Variants in NSMCE2 observed in about 807,000 individuals in gnomAD.
NSMCE2 encodes NSE2 SUMO ligase component of SMC5/6 complex.
In NSMCE2, 24 loss-of-function variants were observed where a neutral mutation model predicts 23.8. The observed-to-expected ratio is 1.01, with a 90% CI of 0.73 to 1.42. The LOEUF is 1.42. Ranked by LOEUF, NSMCE2 falls within the 40% of genes most tolerant of loss-of-function variation. NSMCE2 has a pLI of 0.00. For missense variants in NSMCE2, 284 were observed against 296.5 expected (o/e 0.96, Z 0.31); for synonymous variants, 92 against 94.1 (o/e 0.98, Z 0.13).
In NSMCE2 at chr8:125,180,036, G is replaced by A. The variant is rs1350445882; in HGVS notation, c.265-2067G>A. Reference sequence around the variant, plus strand: ...GAGTCCATTTTATTTTATAAATCCAGAAAGAGCGCCTATAATCCTTTTCTA... The same window carrying A: ...GAGTCCATTTTATTTTATAAATCCAAAAAGAGCGCCTATAATCCTTTTCTA... On this transcript the variant is annotated intron_variant, in intron 4 of 7. Coordinates refer to ENST00000287437, the MANE Select transcript of NSMCE2 (RefSeq NM_173685.4). 8.5e-5 allele frequency among the ~76,000 whole-genome samples: 13 copies of A among 152,278 alleles called. No individual in the cohort carries two copies. In the East Asian group the frequency reaches 2.5e-3, roughly 29 times the overall value.
chr8:125,150,458 G>T, intron 3 of NSMCE2, among the ~76,000 whole-genome samples: 1 of 86,458 alleles, frequency 1.2e-5, no homozygotes, highest in Admixed American at 1.5e-4. Flanking sequence ...TTTTGAGATG[G>T]AGTCTCACTC....
At chr8:125,200,116 A>T (rs189883466) in intron 5 of NSMCE2, among the ~76,000 whole-genome samples, 275 of 152,004 alleles carry the variant, frequency 1.8e-3, no homozygotes, top group African/African-American at 6.0e-3. Context: ...TTGGGACTTG[A>T]CTCTTTATCC....
rs147082286 is a variant in NSMCE2 at position 125,218,524 on chromosome 8, G to A, written c.418+36268G>A. ...CATCTTGGGTTCAAGCAATTCTCAT[G>A]CCTCAGCCTCCCGAGTAGCTGTGAT... is the stretch of plus-strand genomic sequence containing the variant. On this transcript the variant is annotated intron_variant, in intron 5 of 7. Coordinates refer to ENST00000287437, the MANE Select transcript of NSMCE2 (RefSeq NM_173685.4). Among the ~76,000 whole-genome samples the A allele has an allele frequency of 5.1e-3, 766 of 151,116 alleles. 8 individuals carry two copies. The highest frequency in any genetic ancestry group is 0.018 in the African/African-American group (737 of 41,124).
At chr8:125,282,046 T>C (rs1416948768) in intron 5 of NSMCE2, among the ~76,000 whole-genome samples, 1 of 152,136 alleles carries the variant, frequency 6.6e-6, no homozygotes, top group Non-Finnish European at 1.5e-5. Context: ...GCAAATACCC[T>C]GTGTAGTGTT....
At chr8:125,330,543 A>G (rs1177852723) in intron 5 of NSMCE2, among the ~76,000 whole-genome samples, 1 of 151,824 alleles carries the variant, frequency 6.6e-6, no homozygotes, top group East Asian at 1.9e-4. Flanking sequence ...CCAATCCCCA[A>G]CCTCAGGGAG....
intron 5 of NSMCE2, among the ~76,000 whole-genome samples, chr8:125,334,895 C>T (rs1283948324): frequency 7.0e-6 from 1 of 142,322 alleles, no homozygotes; most frequent in Non-Finnish European, 1.5e-5. Context: ...GCTGGGACTA[C>T]AGGATGTACA....
Position 125,182,130 on chromosome 8 carries a change from C to A in NSMCE2, c.292C>A (p.Pro98Thr), listed in dbSNP as rs1383117091. The A allele has an allele frequency of 1.3e-6, 2 of 1,597,870 alleles. No homozygotes were observed. ...GAAAGAAGAACGTCCAGAAAAAATA[C>A]CAGATTTAAAATTATTGGTAGAGAA... Reference protein sequence around the residue: ...HVKEERPEKIPDLKLLVEKKF... With the variant: ...HVKEERPEKITDLKLLVEKKF... The change falls in exon 5 of 8, where the codon CCA becomes ACA. Residue 98 changes from proline (P) to threonine (T), a missense_variant. Transcript: ENST00000287437.
intron 5 of NSMCE2, among the ~76,000 whole-genome samples, chr8:125,247,724 CA>C (rs35494894): frequency 0.077 from 8,664 of 112,804 alleles, 423 homozygotes; most frequent in African/African-American, 0.17. Context: ...AATTCTGTCT[CA>C]AAAAAAAAAA....
chr8:125,187,222 A>G (rs557364020), intron 5 of NSMCE2, among the ~76,000 whole-genome samples: 2 of 152,338 alleles, frequency 1.3e-5, no homozygotes, highest in Admixed American at 1.3e-4. Context: ...AGATACTTCT[A>G]ATTCTTGGAG....
chr8:125,206,042 C>G (rs1432746036), intron 5 of NSMCE2, among the ~76,000 whole-genome samples: 4 of 152,064 alleles, frequency 2.6e-5, no homozygotes, highest in Non-Finnish European at 5.9e-5. Flanking sequence ...GGGAAACAAT[C>G]AAGAGCTTTG....
intron 5 of NSMCE2, among the ~76,000 whole-genome samples, chr8:125,220,033 GGT>G (rs1306227988): frequency 6.6e-6 from 1 of 152,118 alleles, no homozygotes; most frequent in Non-Finnish European, 1.5e-5. Context: ...GAAGTTCATT[GGT>G]TTTGAAAGGC....
In NSMCE2 at chr8:125,324,518, CAA is replaced by C. The variant is rs71295841; in HGVS notation, c.419-32684_419-32683del. Among the ~76,000 whole-genome samples the C allele has an allele frequency of 2.0e-4, 10 of 49,034 alleles. No homozygotes were observed. The South Asian group carries it at 2.7e-3, about 13-fold the overall frequency. The allele number at this position is 49,034 out of a possible 152,430, so 32.2% of individuals were successfully genotyped here. On this transcript the variant is annotated intron_variant, in intron 5 of 7. Coordinates refer to ENST00000287437, the MANE Select transcript of NSMCE2 (RefSeq NM_173685.4). ...TGATACATGCAGCAAGGTGCCAGAC[CAA>C]AAAAAAAAAAAAAAAAGAGCATATC... is the stretch of plus-strand genomic sequence containing the variant.
chr8:125,261,154 A>AT (rs944202285), intron 5 of NSMCE2, among the ~76,000 whole-genome samples: 19 of 152,298 alleles, frequency 1.2e-4, no homozygotes, highest in Admixed American at 1.2e-3. Context: ...CTTACCTGTA[A>AT]TTTTTTGTGG....
chr8:125,284,784 A>C (rs1341616046), intron 5 of NSMCE2, among the ~76,000 whole-genome samples: 2 of 152,238 alleles, frequency 1.3e-5, no homozygotes, highest in Non-Finnish European at 2.9e-5. Flanking sequence ...GTTTTGTGAA[A>C]AAATAATACA....
chr8:125,134,464 A>G (rs1010150877), intron 3 of NSMCE2, among the ~76,000 whole-genome samples: 1 of 152,168 alleles, frequency 6.6e-6, no homozygotes, highest in Non-Finnish European at 1.5e-5. Context: ...AGCCATTCTA[A>G]TAGATATGCA....
intron 5 of NSMCE2, among the ~76,000 whole-genome samples, chr8:125,301,517 A>C (rs1487305718): frequency 6.6e-6 from 1 of 152,146 alleles, no homozygotes; most frequent in African/African-American, 2.4e-5. Context: ...CACCGAAAGT[A>C]CTTGGAAGAC....
At chr8:125,308,477 A>G (rs1239523028) in intron 5 of NSMCE2, among the ~76,000 whole-genome samples, 1 of 152,202 alleles carries the variant, frequency 6.6e-6, no homozygotes, top group Non-Finnish European at 1.5e-5. Context: ...TACCAGCAAT[A>G]CAGGCTAAAC....
intron 3 of NSMCE2, among the ~76,000 whole-genome samples, chr8:125,128,349 G>A (rs1312941203): frequency 6.6e-6 from 1 of 152,192 alleles, no homozygotes; most frequent in Non-Finnish European, 1.5e-5. Flanking sequence ...ACTTGGACTA[G>A]AAAGGTGGTA....
intron 5 of NSMCE2, among the ~76,000 whole-genome samples, chr8:125,286,888 T>C (rs1025083362): frequency 2.0e-5 from 3 of 152,136 alleles, no homozygotes; most frequent in Non-Finnish European, 4.4e-5. Context: ...TGTGTGGTGA[T>C]TGTAATCCCC....
Sources: allele counts gnomAD v4.1 joint callset (sites outside exome capture counted in the v4.1 genomes callset), GRCh38; gene constraint gnomAD v4.1.1; transcripts MANE v1.5; gene names NCBI Gene and HGNC (gene_info 2026-07-23, HGNC 2026-07-21).